Variants in VWC2 observed in about 807,000 individuals in gnomAD.
VWC2 encodes the protein brorin.
Under a neutral mutation model 29.8 loss-of-function variants are expected in VWC2, and 14 were observed. The observed-to-expected ratio is 0.47, with a 90% CI of 0.31 to 0.74. The LOEUF is 0.74. Ranked by LOEUF, VWC2 falls within the 30% of genes least tolerant of loss-of-function variation. The probability of loss-of-function intolerance (pLI) is 0.05; values close to 1 mark genes in which losing one functional copy is unlikely to be tolerated. For synonymous variants in VWC2, 213 were observed against 199.0 expected, an observed-to-expected ratio of 1.07 and a Z score of -0.59; for missense variants, 457 against 459.8, an observed-to-expected ratio of 0.99 and a Z score of 0.05.
chr7:49,917,783 T>C lies in VWC2; in HGVS notation c.*5598T>C, dbSNP rs1333668744. 6.6e-6 allele frequency: 1 copy of C among 152,200 alleles called. No homozygotes were observed. The highest frequency in any genetic ancestry group is 2.4e-5 in the African/African-American group (1 of 41,584). 9.4% of individuals were successfully genotyped at this position (152,200 alleles called of 1,614,324 possible). A position where few individuals can be genotyped will look rare whatever the true frequency, so the allele number is the denominator to read the frequency against. On this transcript the variant is annotated 3_prime_UTR_variant, in exon 4 of 4. Transcript: ENST00000340652. The stretch of plus-strand genomic sequence containing the variant: ...ATTTTATTTAATGATTAATATTTTC[T>C]ATTATTTGAATTTCTGTAATTTATG...
intron 3 of VWC2, among the ~76,000 whole-genome samples, chr7:49,909,623 A>G (rs1303757398): frequency 6.6e-6 from 1 of 152,206 alleles, no homozygotes; most frequent in African/African-American, 2.4e-5. Flanking sequence ...GACATCATAA[A>G]TCTGGTGTTT....
chr7:49,791,537 T>C (rs896203883), intron 2 of VWC2, among the ~76,000 whole-genome samples: 6 of 152,234 alleles, frequency 3.9e-5, no homozygotes, highest in Admixed American at 2.6e-4. Context: ...TTAAAGTTTC[T>C]GTCTCTGTTG....
rs919889040 is a variant in VWC2, at chr7:49,808,998, T to C, written c.826+6158T>C. 6.6e-5 allele frequency among the ~76,000 whole-genome samples: 10 copies of C among 152,064 alleles called. No individual in the cohort carries two copies. In the East Asian group the frequency reaches 1.9e-3, roughly 29 times the overall value. ...CTAATAACTGATCAGCTAATTTTAC[T>C]AAAAGCATGCAGAAGGAACTCAAAA... On this transcript the variant is annotated intron_variant, in intron 3 of 3. Transcript: ENST00000340652.
chr7:49,790,870 T>G (rs1485617396), intron 2 of VWC2, among the ~76,000 whole-genome samples: 1 of 152,016 alleles, frequency 6.6e-6, no homozygotes, highest in Non-Finnish European at 1.5e-5. Context: ...AGGTGACTGC[T>G]GAAAGGAAGA....
In VWC2 at chr7:49,912,326, A is replaced by C. The variant is rs1011978644; in HGVS notation, c.*141A>C. 3 of 842,742 alleles carry C rather than the reference A, an allele frequency of 3.6e-6. No homozygotes were observed. Among genetic ancestry groups the C allele is most frequent in the Non-Finnish European group, 5.3e-6 (3 of 568,884 alleles). 52.2% of individuals were successfully genotyped at this position (842,742 alleles called of 1,614,324 possible). On this transcript the variant is annotated 3_prime_UTR_variant, in exon 4 of 4. Transcript: ENST00000340652. ...ATTGTTGGTACTTTTCCTTTTCTTGATAACAGTTACTACAACAGAAGGAAA... is the reference window on the plus strand; with the variant it reads ...ATTGTTGGTACTTTTCCTTTTCTTGCTAACAGTTACTACAACAGAAGGAAA...
At chr7:49,819,951 A>G (rs1789228960) in intron 3 of VWC2, among the ~76,000 whole-genome samples, 2 of 152,018 alleles carry the variant, frequency 1.3e-5, no homozygotes, top group Non-Finnish European at 1.5e-5. Flanking sequence ...CTTCTTCTTA[A>G]TTGTCTTCAG....
intron 3 of VWC2, among the ~76,000 whole-genome samples, chr7:49,878,524 T>C (rs1369823509): frequency 6.6e-6 from 1 of 152,184 alleles, no homozygotes; most frequent in Non-Finnish European, 1.5e-5. Context: ...ACTCTGAAGG[T>C]ATTTTTTCAC....
At chr7:49,836,571 G>A (rs1018411927) in intron 3 of VWC2, among the ~76,000 whole-genome samples, 2 of 151,346 alleles carry the variant, frequency 1.3e-5, no homozygotes, top group Non-Finnish European at 2.9e-5. Context: ...CTCCAGAGGC[G>A]GAGGTTTCAA....
At chr7:49,910,229 C>T (rs536589620) in intron 3 of VWC2, among the ~76,000 whole-genome samples, 4 of 152,124 alleles carry the variant, frequency 2.6e-5, no homozygotes, top group Admixed American at 1.3e-4. Context: ...ACCTCCTGGG[C>T]GAACTCGAAA....
intron 2 of VWC2, among the ~76,000 whole-genome samples, chr7:49,792,689 CA>C (rs1237041067): frequency 6.6e-6 from 1 of 152,202 alleles, no homozygotes; most frequent in Admixed American, 6.5e-5. Context: ...TCCTGGCGGC[CA>C]GAGGTCTCCC....
At chr7:49,875,820 T>G (rs955759056) in intron 3 of VWC2, among the ~76,000 whole-genome samples, 1 of 152,162 alleles carries the variant, frequency 6.6e-6, no homozygotes, top group Non-Finnish European at 1.5e-5. Context: ...TTGGTATTAT[T>G]ATTCCTTTTT....
Position 49,775,390 on chromosome 7 carries a change from C to T in VWC2, c.-46C>T. The T allele has an allele frequency of 4.5e-6, 6 of 1,330,258 alleles. No homozygotes were observed. Among genetic ancestry groups the T allele is most frequent in the Non-Finnish European group, 5.8e-6 (6 of 1,042,934 alleles). 82.4% of individuals were successfully genotyped at this position (1,330,258 alleles called of 1,614,324 possible). On this transcript the variant is annotated 5_prime_UTR_variant, in exon 2 of 4. Coordinates refer to ENST00000340652, the MANE Select transcript of VWC2 (RefSeq NM_198570.5). ...CCCGGGCTGTGAATGCGACTCGCCCCTCGGCCGCGCTCCCCGCCCGCCCGC... is the reference window on the plus strand; with the variant it reads ...CCCGGGCTGTGAATGCGACTCGCCCTTCGGCCGCGCTCCCCGCCCGCCCGC...
intron 2 of VWC2, among the ~76,000 whole-genome samples, chr7:49,798,814 C>T (rs973717759): frequency 6.6e-6 from 1 of 152,210 alleles, no homozygotes; most frequent in African/African-American, 2.4e-5. Flanking sequence ...GCTACTTTAA[C>T]AACATTCCCT....
intron 3 of VWC2, among the ~76,000 whole-genome samples, chr7:49,813,159 T>C (rs2128707799): frequency 1.3e-5 from 2 of 152,340 alleles, no homozygotes; most frequent in Middle Eastern, 3.4e-3. Context: ...TCTTTATGGA[T>C]TCAGCTTCCC....
At chr7:49,806,106 A>C (rs1788872853) in intron 3 of VWC2, among the ~76,000 whole-genome samples, 1 of 143,142 alleles carries the variant, frequency 7.0e-6, no homozygotes, top group Non-Finnish European at 1.5e-5. Context: ...CCACCCCCCC[A>C]CAATGATACA....
At chr7:49,895,198 A>G (rs1792323823) in intron 3 of VWC2, among the ~76,000 whole-genome samples, 1 of 152,134 alleles carries the variant, frequency 6.6e-6, no homozygotes, top group Non-Finnish European at 1.5e-5. Context: ...GCGTCCTCAC[A>G]CAGTGGGCAG....
chr7:49,779,957 C>T (rs1430889789), intron 2 of VWC2, among the ~76,000 whole-genome samples: 1 of 152,180 alleles, frequency 6.6e-6, no homozygotes, highest in Non-Finnish European at 1.5e-5. Context: ...TTAATTACCT[C>T]GTTAAAGACC....
intron 3 of VWC2, among the ~76,000 whole-genome samples, chr7:49,900,091 A>C (rs2128735134): frequency 6.6e-6 from 1 of 151,996 alleles, no homozygotes; most frequent in South Asian, 2.1e-4. Flanking sequence ...TAGAAGTCTC[A>C]AGAGAAGTTT....
chr7:49,821,849 A>G (rs1583650867), intron 3 of VWC2, among the ~76,000 whole-genome samples: 1 of 152,224 alleles, frequency 6.6e-6, no homozygotes, highest in African/African-American at 2.4e-5. Context: ...TAAGAAACCA[A>G]CAGAGTACAA....
Sources: gnomAD v4.1 joint callset for allele counts (sites outside exome capture counted in the v4.1 genomes callset) on GRCh38, gnomAD v4.1.1 for gene constraint, MANE v1.5 for transcripts, NCBI Gene and HGNC (gene_info 2026-07-23, HGNC 2026-07-21) for gene names.